PRRG4: variants seen among roughly 807,000 people sequenced by gnomAD.
The protein encoded by PRRG4 is transmembrane gamma-carboxyglutamic acid protein 4.
Under a neutral mutation model 20.0 loss-of-function variants are expected in PRRG4, and 12 were observed. The ratio of observed to expected loss-of-function variants is 0.60; its 90% confidence interval spans 0.38 to 0.97. The LOEUF (loss-of-function observed/expected upper bound fraction) is 0.97, where lower values mean the gene tolerates loss of function less well. Among genes scored for constraint, PRRG4 ranks in the 50% least tolerant of loss-of-function variants. The pLI is 0.00. For missense variants in PRRG4, 199 were observed against 265.1 expected (o/e 0.75, Z 1.73); for synonymous variants, 94 against 96.4 (o/e 0.98, Z 0.15).
rs936977521 is a variant in PRRG4 at position 32,854,301 on chromosome 11, A to C, written c.*774A>C. On this transcript the variant is annotated 3_prime_UTR_variant, in exon 6 of 6. Transcript: ENST00000257836. Reference sequence around the variant, plus strand: ...CTGGGCGCAGTGGCTCACGCCTGTAATCCCAGCACTTTGGGAGGGATAGGT... The same window carrying C: ...CTGGGCGCAGTGGCTCACGCCTGTACTCCCAGCACTTTGGGAGGGATAGGT... 2 of 152,264 alleles carry C rather than the reference A, an allele frequency of 1.3e-5. No individual in the cohort carries two copies. Among genetic ancestry groups the C allele is most frequent in the African/African-American group, 2.4e-5 (1 of 41,464 alleles). The allele number at this position is 152,264 out of a possible 1,614,324, so 9.4% of individuals were successfully genotyped here.
intron 4 of PRRG4, among the ~76,000 whole-genome samples, chr11:32,839,885 A>G (rs1193905779): frequency 1.4e-5 from 2 of 147,554 alleles, no homozygotes; most frequent in Non-Finnish European, 3.0e-5. Flanking sequence ...ATAAATAAAT[A>G]TATTTATATT....
At chr11:32,853,129 G>A (rs1013280879) in intron 5 of PRRG4, among the ~76,000 whole-genome samples, 167 bp from the exon 6 acceptor site, 3 of 151,972 alleles carry the variant, frequency 2.0e-5, no homozygotes, top group African/African-American at 7.2e-5. Context: ...AAAGCTCTTG[G>A]TCTTTCCACT....
At chr11:32,847,331 T>C (rs1349366439) in intron 5 of PRRG4, among the ~76,000 whole-genome samples, 2 of 152,034 alleles carry the variant, frequency 1.3e-5, no homozygotes, top group Non-Finnish European at 2.9e-5. Context: ...TGGACATTTC[T>C]CTAAAAATAT....
chr11:32,846,996 C>A (rs1261423716), intron 5 of PRRG4, among the ~76,000 whole-genome samples: 8 of 143,694 alleles, frequency 5.6e-5, no homozygotes, highest in South Asian at 2.2e-4. Context: ...GACTCTGTCT[C>A]AAAAAAAAAA....
chr11:32,857,069 G>C lies in PRRG4; in HGVS notation c.*3542G>C, dbSNP rs34196291. On this transcript the variant is annotated 3_prime_UTR_variant, in exon 6 of 6. Coordinates refer to ENST00000257836, the MANE Select transcript of PRRG4 (RefSeq NM_024081.6). ...CTGGTCTCTAACTCCTGAGCTCAAGGAATCCACCCACCTCGGCCTCCCAAA... is the reference window on the plus strand; with the variant it reads ...CTGGTCTCTAACTCCTGAGCTCAAGCAATCCACCCACCTCGGCCTCCCAAA... 0.1 allele frequency: 15,653 copies of C among 152,168 alleles called. 849 individuals are homozygous for C. The highest frequency in any genetic ancestry group is 0.13 in the Non-Finnish European group (8,586 of 68,286). The allele number at this position is 152,168 out of a possible 1,614,324, so 9.4% of individuals were successfully genotyped here. A position where few individuals can be genotyped will look rare whatever the true frequency, so the allele number is the denominator to read the frequency against.
At chr11:32,830,345 G>A (rs933678321) in intron 1 of PRRG4, among the ~76,000 whole-genome samples, 163 bp from the exon 2 acceptor site, 29 of 152,368 alleles carry the variant, frequency 1.9e-4, no homozygotes, top group African/African-American at 6.5e-4. Flanking sequence ...GCTCTCAGGG[G>A]CTGCTTCCTG....
chr11:32,853,443 C>G lies in PRRG4; in HGVS notation c.597C>G (p.His199Gln). 1 of 1,614,152 alleles carries G rather than the reference C, an allele frequency of 6.2e-7. No individual in the cohort carries two copies. Among genetic ancestry groups the G allele is most frequent in the Admixed American group, 1.7e-5 (1 of 60,010 alleles). The change falls in exon 6 of 6, where the codon CAC (histidine) becomes CAG (glutamine). Residue 199 changes from histidine to glutamine, a missense_variant. Physicochemically the swap from His to Gln is conservative, Grantham distance 24 (BLOSUM62 0). Coordinates refer to ENST00000257836, the MANE Select transcript of PRRG4 (RefSeq NM_024081.6). Reference sequence around the variant, plus strand: ...AGGCAGTGGCGCTGACCAGAAAACACAGTGTTTCACCACCACCACCATATC... The same window carrying G: ...AGGCAGTGGCGCTGACCAGAAAACAGAGTGTTTCACCACCACCACCATATC... ...YEQAVALTRK[H>Q]SVSPPPPYPG...
chr11:32,853,580 G>GA lies in PRRG4; in HGVS notation c.*53_*54insA. 1.4e-6 allele frequency: 2 copies of GA among 1,408,698 alleles called. No homozygotes were observed. The highest frequency in any genetic ancestry group is 2.0e-6 in the Non-Finnish European group (2 of 1,008,698). 87.3% of individuals were successfully genotyped at this position (1,408,698 alleles called of 1,614,324 possible). A position where few individuals can be genotyped will look rare whatever the true frequency, so the allele number is the denominator to read the frequency against. ...TTGTGTTATTTGATAGGCCGGGCAT[G>GA]GTGGCTCATGCCTGTAATCCCAGCA... On this transcript the variant is annotated 3_prime_UTR_variant, in exon 6 of 6. Coordinates refer to ENST00000257836, the MANE Select transcript of PRRG4 (RefSeq NM_024081.6).
intron 5 of PRRG4, among the ~76,000 whole-genome samples, chr11:32,844,117 G>T (rs374499726): frequency 3.3e-5 from 5 of 152,294 alleles, no homozygotes; most frequent in African/African-American, 1.2e-4. Flanking sequence ...ATATGGTATA[G>T]TGGTTCACTG....
chr11:32,840,256 A>G lies in PRRG4; in HGVS notation c.449+17A>G. ...ACATCCATGGTAAGTACTAAGTGAAATTATTTAATTCATCACTAGACATTC... is the reference window on the plus strand; with the variant it reads ...ACATCCATGGTAAGTACTAAGTGAAGTTATTTAATTCATCACTAGACATTC... On this transcript the variant is annotated intron_variant, in intron 5 of 5. Transcript: ENST00000257836. The surrounding 1 kb of genome is among the most constrained non-coding windows in gnomAD (Gnocchi z 4.1). The G allele has an allele frequency of 6.5e-7, 1 of 1,533,788 alleles. No individual in the cohort carries two copies. Among genetic ancestry groups the G allele is most frequent in the South Asian group, 1.2e-5 (1 of 85,856 alleles).
rs1302602513 is a variant in PRRG4 at position 32,857,316 on chromosome 11, A to G, written c.*3789A>G. The G allele has an allele frequency of 1.3e-5, 2 of 151,762 alleles. No homozygotes were observed. Among genetic ancestry groups the G allele is most frequent in the African/African-American group, 4.8e-5 (2 of 41,238 alleles). The allele number at this position is 151,762 out of a possible 1,614,324, so 9.4% of individuals were successfully genotyped here. On this transcript the variant is annotated 3_prime_UTR_variant, in exon 6 of 6. Coordinates refer to ENST00000257836, the MANE Select transcript of PRRG4 (RefSeq NM_024081.6). Reference sequence around the variant, plus strand: ...CAGGCACCTGCCAGCACGCCTTGCAAATTTTTGTATTTTTAGTGGAGATGG... The same window carrying G: ...CAGGCACCTGCCAGCACGCCTTGCAGATTTTTGTATTTTTAGTGGAGATGG...
intron 5 of PRRG4, among the ~76,000 whole-genome samples, chr11:32,847,709 T>A (rs1851143838): frequency 6.6e-6 from 1 of 152,206 alleles, no homozygotes; most frequent in South Asian, 2.1e-4. Context: ...ATGTCCATAG[T>A]AGCATTATTC....
chr11:32,830,959 T>C (rs2133434571), intron 2 of PRRG4, among the ~76,000 whole-genome samples: 1 of 152,292 alleles, frequency 6.6e-6, no homozygotes. Context: ...TAAGCATAAT[T>C]ACTTGTTCTT....
intron 5 of PRRG4, among the ~76,000 whole-genome samples, chr11:32,846,727 C>A (rs993944228): frequency 1.3e-5 from 2 of 152,058 alleles, no homozygotes; most frequent in African/African-American, 4.8e-5. Context: ...GGGCCACACG[C>A]GGTGGCTCAT....
intron 2 of PRRG4, among the ~76,000 whole-genome samples, chr11:32,833,698 A>G (rs1314928377): frequency 6.6e-6 from 1 of 152,200 alleles, no homozygotes; most frequent in Non-Finnish European, 1.5e-5. Context: ...TCCTCCCACT[A>G]TAGCAAAGTT....
chr11:32,836,792 A>C lies in PRRG4; in HGVS notation c.238A>C (p.Arg80=). The C allele has an allele frequency of 6.2e-7, 1 of 1,612,516 alleles. No homozygotes were observed. The highest frequency in any genetic ancestry group is 8.5e-7 in the Non-Finnish European group (1 of 1,179,408). The change falls in exon 3 of 6, where the codon AGA becomes CGA. Residue 80 remains arginine, a synonymous_variant. Coordinates refer to ENST00000257836, the MANE Select transcript of PRRG4 (RefSeq NM_024081.6). ...AGAACTTTGCAATTATGAGGAAGCC[A>C]GAGAGATTTTTGTGGATGAAGATAA... The part of the protein sequence containing the change: ...NEELCNYEEA[R]EIFVDEDKTI...
intron 5 of PRRG4, among the ~76,000 whole-genome samples, chr11:32,845,871 C>T (rs7114137): frequency 0.78 from 117,859 of 151,940 alleles, 45,983 homozygotes; most frequent in East Asian, 0.99. Flanking sequence ...TAATTGTAAG[C>T]CAAGGCCAGG....
chr11:32,830,493 T>TTTG lies in PRRG4; in HGVS notation c.-22-13_-22-12insGTT. On this transcript the variant is annotated splice_polypyrimidine_tract_variant and intron_variant, in intron 1 of 5. Transcript: ENST00000257836. ...GGGGCCTTTTTTTTTTAATATTTTT[T>TTTG]TTTGTTTGTTTTAGTTTGTTTGACA... 1 of 1,458,368 alleles carries TTTG rather than the reference T, an allele frequency of 6.9e-7. No individual in the cohort carries two copies. The highest frequency in any genetic ancestry group is 9.1e-7 in the Non-Finnish European group (1 of 1,102,636). The allele number at this position is 1,458,368 out of a possible 1,614,324, so 90.3% of individuals were successfully genotyped here. A position where few individuals can be genotyped will look rare whatever the true frequency, so the allele number is the denominator to read the frequency against.
chr11:32,840,994 A>G lies in PRRG4; in HGVS notation c.449+755A>G, dbSNP rs1851072044. Among the ~76,000 whole-genome samples, 1 of 152,164 alleles carries G rather than the reference A, an allele frequency of 6.6e-6. No individual in the cohort carries two copies. The highest frequency in any genetic ancestry group is 2.4e-5 in the African/African-American group (1 of 41,448). The stretch of plus-strand genomic sequence containing the variant: ...ATAATTGTTTGCATAATAGAAGCTC[A>G]GCATCCCTATTGAAATAAAAAGTAC... On this transcript the variant is annotated intron_variant, in intron 5 of 5. Coordinates refer to ENST00000257836, the MANE Select transcript of PRRG4 (RefSeq NM_024081.6). This position sits in a 1 kb window ranked among gnomAD's most constrained non-coding sequence, Gnocchi z 4.1.
Sources: gnomAD v4.1 joint callset for allele counts (sites outside exome capture counted in the v4.1 genomes callset) on GRCh38, gnomAD v4.1.1 for gene constraint, Gnocchi (gnomAD v3.1) non-coding constraint, MANE v1.5 for transcripts, NCBI Gene and HGNC (gene_info 2026-07-23, HGNC 2026-07-21) for gene names.